Variants in CDR2 observed in about 807,000 individuals in gnomAD.
The protein encoded by CDR2 is cerebellar degeneration-related protein 2.
CDR2 carries 34 observed loss-of-function variants against 48.4 expected under a neutral mutation model. The observed-to-expected ratio is 0.70, with a 90% CI of 0.53 to 0.94. The LOEUF (loss-of-function observed/expected upper bound fraction) is 0.94, where lower values mean the gene tolerates loss of function less well. CDR2 is among the 40% of genes least tolerant of loss of function. The probability of loss-of-function intolerance (pLI) is 0.00; values close to 1 mark genes in which losing one functional copy is unlikely to be tolerated. For missense variants in CDR2, 498 were observed against 549.5 expected (o/e 0.91, Z 0.94); for synonymous variants, 240 against 219.7 (o/e 1.09, Z -0.82).
rs1242782573 is a variant in CDR2, at chr16:22,374,250, G to A, written c.60C>T (p.Asp20=). The A allele has an allele frequency of 2.5e-6, 4 of 1,602,452 alleles. No individual in the cohort carries two copies. Among genetic ancestry groups the A allele is most frequent in the African/African-American group, 1.4e-5 (1 of 73,416 alleles). ...CCTCACCTTGCTGGAGGTCCTGGTG[G>A]TCGTACCACGGCTCGTCCTCCTTCA... is the stretch of plus-strand genomic sequence containing the variant. ...FEMKEDEPWY[D]HQDLQQDLQL... Residue 20 remains aspartate (D), a synonymous_variant, in exon 1 of 5, where the codon GAC becomes GAT. Transcript: ENST00000268383.
chr16:22,359,325 C>T (rs1372766735), intron 2 of CDR2, among the ~76,000 whole-genome samples: 1 of 152,078 alleles, frequency 6.6e-6, no homozygotes, highest in Non-Finnish European at 1.5e-5. Flanking sequence ...TGGGGTTTCG[C>T]CATCTTGGCC....
At chr16:22,360,163 T>C (rs2049001653) in intron 2 of CDR2, among the ~76,000 whole-genome samples, 1 of 152,126 alleles carries the variant, frequency 6.6e-6, no homozygotes, top group Non-Finnish European at 1.5e-5. Context: ...TGTAGCAAAG[T>C]GTAAATGAAT....
chr16:22,373,013 C>G (rs934381046), intron 1 of CDR2, among the ~76,000 whole-genome samples: 1 of 152,114 alleles, frequency 6.6e-6, no homozygotes, highest in Non-Finnish European at 1.5e-5. Flanking sequence ...TGGAAAAATT[C>G]CTGAGGATTG....
chr16:22,368,311 G>C (rs2049055746), intron 1 of CDR2, among the ~76,000 whole-genome samples: 1 of 152,146 alleles, frequency 6.6e-6, no homozygotes, highest in Non-Finnish European at 1.5e-5. Flanking sequence ...CTGGATTCAA[G>C]TGATTCTCCT....
rs145699232 is a variant in CDR2, at chr16:22,357,431, C to T, written c.192+7471G>A. Among the ~76,000 whole-genome samples, 93 of 152,242 alleles carry T rather than the reference C, an allele frequency of 6.1e-4. No individual in the cohort carries two copies. The East Asian group carries it at 0.016, about 26-fold the overall frequency. ...ACAGTAGGGGACAAAAAAATACTGG[C>T]GAACTGGCAGTTTCTAGACTTTTCT... On this transcript the variant is annotated intron_variant, in intron 2 of 4. Transcript: ENST00000268383.
intron 2 of CDR2, among the ~76,000 whole-genome samples, chr16:22,359,270 G>T (rs532860764): frequency 2.0e-5 from 3 of 152,062 alleles, no homozygotes; most frequent in African/African-American, 7.2e-5. Flanking sequence ...GGGATTACAG[G>T]CGCCCGCCAC....
chr16:22,366,134 C>G (rs570644971), intron 1 of CDR2, among the ~76,000 whole-genome samples: 38 of 152,266 alleles, frequency 2.5e-4, no homozygotes, highest in African/African-American at 8.7e-4. Flanking sequence ...AGCTATAGAA[C>G]AGTGAATAAA....
Position 22,347,158 on chromosome 16 carries a change from CCA to C in CDR2, c.1170_1171del (p.Gly391SerfsTer6). On this transcript the variant is annotated frameshift_variant, in exon 5 of 5. Coordinates refer to ENST00000268383, the MANE Select transcript of CDR2 (RefSeq NM_001802.2). LOFTEE classifies it high-confidence loss of function. ...AACAGGCTCAGACTGGGCGTTCACT[CCA>C]GTCAGGTCCTTGGCTGCAGCCCTGG... 6.2e-7 allele frequency: 1 copy of C among 1,614,240 alleles called. No homozygotes were observed. Among genetic ancestry groups the C allele is most frequent in the Non-Finnish European group, 8.5e-7 (1 of 1,180,046 alleles).
chr16:22,348,082 C>T (rs979191579), intron 4 of CDR2, among the ~76,000 whole-genome samples: 3 of 152,120 alleles, frequency 2.0e-5, no homozygotes, highest in Non-Finnish European at 4.4e-5. Context: ...GGATTTTAGA[C>T]ATGCGCCACC....
In CDR2 at chr16:22,349,731, T is replaced by G. The variant is rs746148002; in HGVS notation, c.311A>C (p.Asp104Ala). The G allele has an allele frequency of 6.2e-7, 1 of 1,614,182 alleles. No individual in the cohort carries two copies. Among genetic ancestry groups the G allele is most frequent in the Non-Finnish European group, 8.5e-7 (1 of 1,179,986 alleles). Residue 104 changes from aspartate to alanine, a missense_variant, in exon 3 of 5, where the codon GAC becomes GCC. Transcript: ENST00000268383. ...AATCTTTTGCTGTGAGGCCTTGCTGTCAGCAACTAGCTTTTGATTTGTTTC... is the reference window on the plus strand; with the variant it reads ...AATCTTTTGCTGTGAGGCCTTGCTGGCAGCAACTAGCTTTTGATTTGTTTC... ...LEETNQKLVA[D>A]SKASQQKILS... is the part of the protein sequence containing the mutation.
chr16:22,365,515 A>C (rs2049039334), intron 1 of CDR2, among the ~76,000 whole-genome samples: 1 of 152,218 alleles, frequency 6.6e-6, no homozygotes, highest in African/African-American at 2.4e-5. Flanking sequence ...AAAATACATC[A>C]GCATTAAGAA....
chr16:22,365,782 A>G (rs2049041429), intron 1 of CDR2, among the ~76,000 whole-genome samples: 1 of 152,226 alleles, frequency 6.6e-6, no homozygotes, highest in South Asian at 2.1e-4. Flanking sequence ...AAGAAAGGAC[A>G]CTAGTTGTAA....
chr16:22,369,443 A>G (rs1186566037), intron 1 of CDR2, among the ~76,000 whole-genome samples: 1 of 152,196 alleles, frequency 6.6e-6, no homozygotes, highest in Non-Finnish European at 1.5e-5. Flanking sequence ...CTGCAGAAAG[A>G]GATACCAAGG....
At chr16:22,351,813 C>T (rs749857722) in intron 2 of CDR2, among the ~76,000 whole-genome samples, 17 of 152,184 alleles carry the variant, frequency 1.1e-4, no homozygotes, top group Non-Finnish European at 1.5e-4. Flanking sequence ...CTGCTCAGCT[C>T]TACCTGAAGA....
At chr16:22,371,197 G>C (rs1458805423) in intron 1 of CDR2, among the ~76,000 whole-genome samples, 1 of 150,398 alleles carries the variant, frequency 6.6e-6, no homozygotes, top group Non-Finnish European at 1.5e-5. Flanking sequence ...GGGACAGAGC[G>C]AGACTCCACC....
intron 2 of CDR2, among the ~76,000 whole-genome samples, chr16:22,364,665 C>T (rs2049033087): frequency 6.6e-6 from 1 of 152,134 alleles, no homozygotes; most frequent in Non-Finnish European, 1.5e-5. Flanking sequence ...GAGTTCGAGA[C>T]CAGCCTGGCT....
intron 2 of CDR2, among the ~76,000 whole-genome samples, chr16:22,351,095 G>C (rs1158785748): frequency 6.6e-6 from 1 of 152,172 alleles, no homozygotes; most frequent in Non-Finnish European, 1.5e-5. Flanking sequence ...TCCCACCTAT[G>C]AGTGAGAACA....
intron 1 of CDR2, among the ~76,000 whole-genome samples, chr16:22,372,822 G>T (rs2049087240): frequency 6.6e-6 from 1 of 152,158 alleles, no homozygotes; most frequent in Admixed American, 6.5e-5. Context: ...TCCAAAAGAG[G>T]TGCTCATTTT....
intron 1 of CDR2, among the ~76,000 whole-genome samples, chr16:22,370,115 A>G (rs2049066365): frequency 6.6e-6 from 1 of 152,228 alleles, no homozygotes; most frequent in South Asian, 2.1e-4. Flanking sequence ...ACAGATACTC[A>G]GCTCTATGCT....
Sources: gnomAD v4.1 joint callset for allele counts (sites outside exome capture counted in the v4.1 genomes callset) on GRCh38, gnomAD v4.1.1 for gene constraint, MANE v1.5 for transcripts, NCBI Gene and HGNC (gene_info 2026-07-23, HGNC 2026-07-21) for gene names.